SIK2: variants seen among roughly 807,000 people sequenced by gnomAD.
SIK2 encodes the protein serine/threonine-protein kinase SIK2.
Under a neutral mutation model 103.2 loss-of-function variants are expected in SIK2, and 29 were observed. The ratio of observed to expected loss-of-function variants is 0.28; its 90% CI spans 0.21 to 0.38. The LOEUF (loss-of-function observed/expected upper bound fraction) is 0.38, where lower values mean the gene tolerates loss of function less well. SIK2 is among the 10% of genes least tolerant of loss of function. The pLI is 1.00. For missense variants in SIK2, 879 were observed against 1,171.0 expected (o/e 0.75, Z 3.64); for synonymous variants, 412 against 446.1 (o/e 0.92, Z 0.96).
At chr11:111,604,753 C>G (rs1941626002) in intron 1 of SIK2, among the ~76,000 whole-genome samples, 1 of 152,138 alleles carries the variant, frequency 6.6e-6, no homozygotes, top group African/African-American at 2.4e-5. Flanking sequence ...GTTTAGTCCG[C>G]AGAACCCATT....
chr11:111,674,168 T>A lies in SIK2; in HGVS notation c.317-13833T>A, dbSNP rs1942668780. On this transcript the variant is annotated intron_variant, in intron 3 of 14. Coordinates refer to ENST00000304987, the MANE Select transcript of SIK2 (RefSeq NM_015191.3). ...AAGACTAAGGTGATGGCCCAGGAGC[T>A]GAGAACAGAGCCCAGTGTTTTTAAC... Among the ~76,000 whole-genome samples the A allele has an allele frequency of 2.0e-5, 3 of 152,144 alleles. No individual in the cohort carries two copies. In the South Asian group the frequency reaches 6.2e-4, roughly 31 times the overall value.
At chr11:111,711,100 G>A (rs914778759) in intron 8 of SIK2, among the ~76,000 whole-genome samples, 3 of 151,938 alleles carry the variant, frequency 2.0e-5, no homozygotes, top group Non-Finnish European at 4.4e-5. Context: ...ATTGTCATAA[G>A]GAAAAATTCT....
rs1402703701 is a variant in SIK2, at chr11:111,688,462, A to T, written c.478+300A>T. On this transcript the variant is annotated intron_variant, in intron 4 of 14. Transcript: ENST00000304987. This position sits in a 1 kb window ranked among gnomAD's most constrained non-coding sequence, Gnocchi z 4.2. ...TTTATCTGAGTGTCAGAGTGACTGGAGAAAAGACAGGGCTGGAGGAGTAAT... is the reference window on the plus strand; with the variant it reads ...TTTATCTGAGTGTCAGAGTGACTGGTGAAAAGACAGGGCTGGAGGAGTAAT... Among the ~76,000 whole-genome samples the T allele has an allele frequency of 1.3e-5, 2 of 152,166 alleles. No homozygotes were observed. The highest frequency in any genetic ancestry group is 4.1e-4 in the South Asian group (2 of 4,830).
intron 9 of SIK2, among the ~76,000 whole-genome samples, chr11:111,719,094 C>G (rs574034090): frequency 6.6e-6 from 1 of 152,278 alleles, no homozygotes; most frequent in Admixed American, 6.5e-5. Flanking sequence ...GGCTTATTAG[C>G]CTCTGCTGGA....
rs1040453331 is a variant in SIK2 at position 111,724,188 on chromosome 11, T to C, written c.*59T>C. The C allele has an allele frequency of 1.1e-5, 17 of 1,534,872 alleles. No homozygotes were observed. The African/African-American group carries it at 1.9e-4, about 17-fold the overall frequency. On this transcript the variant is annotated 3_prime_UTR_variant, in exon 15 of 15. Transcript: ENST00000304987. ...GGAAGAGTGTATGTTCCTATTTTTA[T>C]TCCAGCCTTTTAAATTTAAAGCTTA... is the stretch of plus-strand genomic sequence containing the variant.
chr11:111,648,789 C>T lies in SIK2; in HGVS notation c.316+28387C>T, dbSNP rs1169227352. Among the ~76,000 whole-genome samples the T allele has an allele frequency of 3.3e-5, 5 of 151,952 alleles. 1 individual carries two copies. Among genetic ancestry groups the T allele is most frequent in the Admixed American group, 6.6e-5 (1 of 15,262 alleles). ...TTTGTTCTTGTGTTTTAAATTTTTT[C>T]ACAATGAGTATACACTGCTTTTCCT... On this transcript the variant is annotated intron_variant, in intron 3 of 14. Coordinates refer to ENST00000304987, the MANE Select transcript of SIK2 (RefSeq NM_015191.3).
At chr11:111,638,491 A>G (rs773163381) in intron 3 of SIK2, among the ~76,000 whole-genome samples, 3 of 152,134 alleles carry the variant, frequency 2.0e-5, no homozygotes, top group Non-Finnish European at 2.9e-5. Flanking sequence ...GCATTCTACT[A>G]TGTAAATTAT....
At chr11:111,609,874 T>C (rs1941697086) in intron 1 of SIK2, among the ~76,000 whole-genome samples, 1 of 152,222 alleles carries the variant, frequency 6.6e-6, no homozygotes, top group African/African-American at 2.4e-5. Flanking sequence ...GTTGTATTTA[T>C]TTTTTAATTT....
chr11:111,612,938 A>ATATATATATATATATATG (rs1405134626), intron 1 of SIK2, among the ~76,000 whole-genome samples: 7 of 146,592 alleles, frequency 4.8e-5, no homozygotes, highest in African/African-American at 1.8e-4. Flanking sequence ...ATATATATAT[A>ATATATATATATATATATG]TATATATATT....
At chr11:111,696,318 A>C (rs529544099) in intron 4 of SIK2, among the ~76,000 whole-genome samples, 1 of 152,324 alleles carries the variant, frequency 6.6e-6, no homozygotes, top group South Asian at 2.1e-4. Context: ...GTGTTTTGAT[A>C]ATTGAAGCTT....
chr11:111,724,170 T>A lies in SIK2; in HGVS notation c.*41T>A, dbSNP rs765160763. 1 of 1,561,736 alleles carries A rather than the reference T, an allele frequency of 6.4e-7. No individual in the cohort carries two copies. The highest frequency in any genetic ancestry group is 8.6e-7 in the Non-Finnish European group (1 of 1,157,706). On this transcript the variant is annotated 3_prime_UTR_variant, in exon 15 of 15. Transcript: ENST00000304987. ...TGAGGTGGGTCAGGTGAAGGAAGAG[T>A]GTATGTTCCTATTTTTATTCCAGCC...
chr11:111,677,027 C>A (rs1489319219), intron 3 of SIK2, among the ~76,000 whole-genome samples: 1 of 152,172 alleles, frequency 6.6e-6, no homozygotes, highest in Non-Finnish European at 1.5e-5. Context: ...ATAGTCATCA[C>A]TTAGAAATAA....
At position 111,701,305 on chromosome 11, in the gene SIK2, T is replaced by G. The variant is rs1278280712; in HGVS notation, c.604-147T>G. On this transcript the variant is annotated intron_variant, in intron 5 of 14. Coordinates refer to ENST00000304987, the MANE Select transcript of SIK2 (RefSeq NM_015191.3). The surrounding 1 kb of genome is among the most constrained non-coding windows in gnomAD (Gnocchi z 4.2). ...ATACTTATTGTAGTAGTCAGGGTTT[T>G]GGATTTTTTTCAAATTCTGAGAAAA... is the stretch of plus-strand genomic sequence containing the variant. 7 of 1,125,796 alleles carry G rather than the reference T, an allele frequency of 6.2e-6. No individual in the cohort carries two copies. The highest frequency in any genetic ancestry group is 8.6e-6 in the Non-Finnish European group (7 of 814,504). 69.7% of individuals were successfully genotyped at this position (1,125,796 alleles called of 1,614,324 possible).
chr11:111,632,460 T>G (rs765743290), intron 3 of SIK2, among the ~76,000 whole-genome samples: 18 of 152,102 alleles, frequency 1.2e-4, no homozygotes, highest in Non-Finnish European at 2.4e-4. Context: ...CAAGAAAGAT[T>G]ATCATTTCTT....
chr11:111,726,700 T>G lies in SIK2; in HGVS notation c.*2571T>G. On this transcript the variant is annotated 3_prime_UTR_variant, in exon 15 of 15. Coordinates refer to ENST00000304987, the MANE Select transcript of SIK2 (RefSeq NM_015191.3). ...TGGAAGCTTCCAAGCAGTTTTCTCT[T>G]CATCACTACTAACAAACAAAACACT... is the stretch of plus-strand genomic sequence containing the variant. The G allele has an allele frequency of 2.1e-6, 1 of 477,298 alleles. No homozygotes were observed. Among genetic ancestry groups the G allele is most frequent in the Non-Finnish European group, 3.8e-6 (1 of 263,334 alleles). 29.6% of individuals were successfully genotyped at this position (477,298 alleles called of 1,614,324 possible).
chr11:111,721,393 CAAAT>C (rs1943797359), intron 12 of SIK2, among the ~76,000 whole-genome samples: 5 of 152,160 alleles, frequency 3.3e-5, no homozygotes, highest in Admixed American at 3.3e-4. Context: ...GAAAAATACA[CAAAT>C]GAACTACACC....
chr11:111,724,538 AT>A lies in SIK2; in HGVS notation c.*414del, dbSNP rs142847023. 0.042 allele frequency: 7,268 copies of A among 171,368 alleles called. 562 individuals carry two copies. The highest frequency in any genetic ancestry group is 0.16 in the African/African-American group (6,783 of 42,072). 10.6% of individuals were successfully genotyped at this position (171,368 alleles called of 1,614,324 possible). A position where few individuals can be genotyped will look rare whatever the true frequency, so the allele number is the denominator to read the frequency against. Reference sequence around the variant, plus strand: ...ATATATATGGGGGAAAAGGCAATATATTTTTCACTGAAGCTGAGCAACCACA... The same window carrying A: ...ATATATATGGGGGAAAAGGCAATATATTTTCACTGAAGCTGAGCAACCACA... On this transcript the variant is annotated 3_prime_UTR_variant, in exon 15 of 15. Transcript: ENST00000304987.
chr11:111,659,762 C>T (rs1332493236), intron 3 of SIK2, among the ~76,000 whole-genome samples: 1 of 152,152 alleles, frequency 6.6e-6, no homozygotes, highest in East Asian at 1.9e-4. Context: ...GAGCCATTAG[C>T]CTTTCAGCTA....
At chr11:111,685,646 C>T (rs1485332214) in intron 3 of SIK2, among the ~76,000 whole-genome samples, 1 of 151,726 alleles carries the variant, frequency 6.6e-6, no homozygotes, top group Non-Finnish European at 1.5e-5. Flanking sequence ...GAGTTTGAGC[C>T]CAGCCTGAAC....
Sources: allele counts gnomAD v4.1 joint callset (sites outside exome capture counted in the v4.1 genomes callset), GRCh38; gene constraint gnomAD v4.1.1; non-coding constraint Gnocchi (gnomAD v3.1); transcripts MANE v1.5; gene names NCBI Gene and HGNC (gene_info 2026-07-23, HGNC 2026-07-21).